Variants in BCAS4 observed in about 807,000 individuals in gnomAD.
The protein encoded by BCAS4 is breast carcinoma-amplified sequence 4.
In BCAS4, 9 loss-of-function variants were observed where a neutral mutation model predicts 15.7. That is an observed-to-expected ratio of 0.57 (90% CI 0.34 to 1.00). The LOEUF (loss-of-function observed/expected upper bound fraction) is 1.00, where lower values mean the gene tolerates loss of function less well. BCAS4 is among the 50% of genes least tolerant of loss of function. The pLI is 0.02. For synonymous variants in BCAS4, 101 were observed against 99.5 expected, an observed-to-expected ratio of 1.02 and a Z score of -0.09; for missense variants, 225 against 239.1, an observed-to-expected ratio of 0.94 and a Z score of 0.39.
intron 4 of BCAS4, among the ~76,000 whole-genome samples, chr20:50,873,160 G>A (rs765564343): frequency 1.3e-5 from 2 of 152,196 alleles, no homozygotes. Flanking sequence ...TAGAGCTGCC[G>A]GCGGCCTCTC....
chr20:50,872,765 C>A (rs1437229900), intron 4 of BCAS4, among the ~76,000 whole-genome samples: 1 of 152,190 alleles, frequency 6.6e-6, no homozygotes, highest in African/African-American at 2.4e-5. Flanking sequence ...CCCAGTTCTC[C>A]AAAGAGCTGT....
At chr20:50,808,158 C>T (rs1055198338) in intron 1 of BCAS4, among the ~76,000 whole-genome samples, 32 of 152,016 alleles carry the variant, frequency 2.1e-4, no homozygotes, top group African/African-American at 1.7e-4. Context: ...GTGATCCGCC[C>T]GCCTTGGCCT....
downstream of BCAS4, chr20:50,877,445 G>C (rs753929460): frequency 5.9e-5 from 9 of 152,374 alleles, no homozygotes; most frequent in South Asian, 6.2e-4. Context: ...TAACACTCCG[G>C]ATTTCTCACT....
chr20:50,847,814 G>C (rs1054122931), intron 4 of BCAS4, among the ~76,000 whole-genome samples: 7 of 152,158 alleles, frequency 4.6e-5, no homozygotes, highest in Non-Finnish European at 1.0e-4. Context: ...AGGCCTAGGT[G>C]GGTGGGTCAC....
chr20:50,818,155 G>T (rs1423261134), intron 1 of BCAS4, 56 bp from the exon 2 acceptor site: 73 of 1,518,614 alleles, frequency 4.8e-5, no homozygotes, highest in Non-Finnish European at 6.4e-5. Flanking sequence ...AAAATGAAGG[G>T]TGTTTGTCTC....
In BCAS4 at chr20:50,798,296, A is replaced by AAAAC. The variant is rs558457008; in HGVS notation, c.90+3139_90+3142dup. ...GGGCAATAGAGTGAGACTCTGTCTC[A>AAAAC]AAACAAACAAACAAACAAAAAAAAC... is the stretch of plus-strand genomic sequence containing the variant. On this transcript the variant is annotated intron_variant, in intron 1 of 4. Transcript: ENST00000371608. Among the ~76,000 whole-genome samples, 355 of 152,136 alleles carry AAAAC rather than the reference A, an allele frequency of 2.3e-3. 6 individuals carry two copies. The East Asian group carries it at 0.034, about 15-fold the overall frequency.
At chr20:50,795,565 C>T (rs1387211889) in intron 1 of BCAS4, among the ~76,000 whole-genome samples, 2 of 136,338 alleles carry the variant, frequency 1.5e-5, no homozygotes, top group African/African-American at 5.7e-5. Context: ...CCGCGCTGCG[C>T]TGCTGCAGCT....
intron 1 of BCAS4, among the ~76,000 whole-genome samples, chr20:50,799,228 T>C (rs1385670703): frequency 6.6e-6 from 1 of 152,180 alleles, no homozygotes; most frequent in Non-Finnish European, 1.5e-5. Context: ...AAACTGCGTG[T>C]ATTCATTTCA....
At chr20:50,831,989 G>A (rs1011767142) in intron 3 of BCAS4, among the ~76,000 whole-genome samples, 7 of 152,232 alleles carry the variant, frequency 4.6e-5, no homozygotes, top group African/African-American at 1.7e-4. Flanking sequence ...ACGTTTGAAA[G>A]AGGAAAGAAA....
intron 4 of BCAS4, among the ~76,000 whole-genome samples, chr20:50,859,211 A>G (rs2870019): frequency 0.32 from 49,243 of 151,890 alleles, 8,670 homozygotes; most frequent in African/African-American, 0.46. Flanking sequence ...CAAAGGGCTG[A>G]GATTACAGGC....
At chr20:50,810,582 T>G (rs927981189) in intron 1 of BCAS4, among the ~76,000 whole-genome samples, 79 of 142,592 alleles carry the variant, frequency 5.5e-4, no homozygotes, top group South Asian at 1.3e-3. Flanking sequence ...TATGTTATTT[T>G]TTTTGTGTTT....
intron 4 of BCAS4, among the ~76,000 whole-genome samples, chr20:50,849,109 C>T (rs1001755989): frequency 3.8e-4 from 58 of 152,396 alleles, no homozygotes; most frequent in African/African-American, 1.4e-3. Flanking sequence ...GCCAGGCCGG[C>T]CCTCCTCCTG....
Position 50,860,943 on chromosome 20 carries a change from C to T in BCAS4, c.400-15543C>T, listed in dbSNP as rs889943783. 6.0e-4 allele frequency among the ~76,000 whole-genome samples: 90 copies of T among 150,964 alleles called. 1 individual carries two copies. Among genetic ancestry groups the T allele is most frequent in the African/African-American group, 2.1e-3 (88 of 40,962 alleles). On this transcript the variant is annotated intron_variant, in intron 4 of 4. Coordinates refer to ENST00000371608, the MANE Select transcript of BCAS4 (RefSeq NM_198799.4). The stretch of plus-strand genomic sequence containing the variant: ...CCAGGAGGTTGAGGCTGCAGTGAGC[C>T]GTGATCGTGCCACTGCACTTCAGCC...
intron 1 of BCAS4, among the ~76,000 whole-genome samples, chr20:50,817,919 T>C (rs1256711436): frequency 6.6e-6 from 1 of 152,086 alleles, no homozygotes; most frequent in Non-Finnish European, 1.5e-5. Flanking sequence ...TCCTCATCTG[T>C]ACAACGTGGA....
chr20:50,797,851 G>T (rs1388081786), intron 1 of BCAS4, among the ~76,000 whole-genome samples: 3 of 151,902 alleles, frequency 2.0e-5, no homozygotes, highest in Admixed American at 1.3e-4. Context: ...TTTTAGTAGA[G>T]ACAGGGTTCC....
intron 3 of BCAS4, among the ~76,000 whole-genome samples, chr20:50,831,243 A>G (rs1208083229): frequency 6.6e-6 from 1 of 152,114 alleles, no homozygotes; most frequent in Non-Finnish European, 1.5e-5. Flanking sequence ...ACCCTGGCCA[A>G]CCTGGTGAAA....
chr20:50,876,353 T>C, intron 4 of BCAS4, 133 bp from the exon 5 acceptor site: 1 of 1,250,624 alleles, frequency 8.0e-7, no homozygotes, highest in Non-Finnish European at 1.1e-6. Context: ...TCACAGGCAG[T>C]GCTGTCAGAG....
intron 1 of BCAS4, among the ~76,000 whole-genome samples, chr20:50,799,485 T>A (rs1288108485): frequency 6.6e-6 from 1 of 152,170 alleles, no homozygotes; most frequent in Admixed American, 6.5e-5. Flanking sequence ...GGTGGGCACA[T>A]GAGCAGGAAA....
At chr20:50,820,190 G>C (rs868370281) in intron 2 of BCAS4, among the ~76,000 whole-genome samples, 6 of 152,192 alleles carry the variant, frequency 3.9e-5, no homozygotes, top group Non-Finnish European at 8.8e-5. Flanking sequence ...ATAAACTTGA[G>C]TATGCAAAGA....
Sources: allele counts gnomAD v4.1 joint callset (sites outside exome capture counted in the v4.1 genomes callset), GRCh38; gene constraint gnomAD v4.1.1; transcripts MANE v1.5; gene names NCBI Gene and HGNC (gene_info 2026-07-23, HGNC 2026-07-21).